Variants in ESD observed in about 807,000 individuals in gnomAD.
The protein encoded by ESD is esterase D, also known as S-formylglutathione hydrolase.
Under a neutral mutation model 38.1 loss-of-function variants are expected in ESD, and 34 were observed. The ratio of observed to expected loss-of-function variants is 0.89; its 90% CI spans 0.68 to 1.19. ESD has a LOEUF of 1.19. Ranked by LOEUF, ESD falls within the 50% of genes most tolerant of loss-of-function variation. The pLI, the probability that ESD is intolerant of heterozygous loss-of-function variation, is 0.00. For synonymous variants in ESD, 97 were observed against 107.0 expected, an observed-to-expected ratio of 0.91 and a Z score of 0.58; for missense variants, 334 against 327.2, an observed-to-expected ratio of 1.02 and a Z score of -0.16.
chr13:46,775,696 G>C (rs559658198), intron 9 of ESD: 25 of 468,888 alleles, frequency 5.3e-5, no homozygotes, highest in African/African-American at 3.6e-4. Context: ...GACCATGCTG[G>C]AAGTAAAGTG....
intron 7 of ESD, among the ~76,000 whole-genome samples, chr13:46,780,968 T>C (rs1874976748): frequency 1.3e-5 from 2 of 151,754 alleles, no homozygotes; most frequent in South Asian, 4.1e-4. Context: ...TATGACATAC[T>C]ACATATGGTA....
At chr13:46,776,615 T>C (rs1176959776) in intron 9 of ESD, 1 of 152,112 alleles carries the variant, frequency 6.6e-6, no homozygotes, top group Admixed American at 6.6e-5. Context: ...GTATAAGAAT[T>C]AACAATGAGT....
Position 46,784,336 on chromosome 13 carries a change from C to T in ESD, c.172G>A (p.Glu58Lys). The T allele has an allele frequency of 6.2e-7, 1 of 1,610,012 alleles. No homozygotes were observed. Among genetic ancestry groups the T allele is most frequent in the Middle Eastern group, 1.7e-4 (1 of 6,052 alleles). Reference sequence around the variant, plus strand: ...CCAGATTTTGATATAAAATTTTGCTCTGTGCAAGTTAAACCTGAAGATAAA... The same window carrying T: ...CCAGATTTTGATATAAAATTTTGCTTTGTGCAAGTTAAACCTGAAGATAAA... ...LYWLSGLTCTEQNFISKSGYH... is the reference protein window; with the variant it reads ...LYWLSGLTCTKQNFISKSGYH... The change falls in exon 5 of 10, where the codon GAG becomes AAG. Residue 58 changes from glutamate to lysine, a missense_variant. Coordinates refer to ENST00000378720, the MANE Select transcript of ESD (RefSeq NM_001984.2).
intron 1 of ESD, among the ~76,000 whole-genome samples, 191 bp downstream of exon 1, chr13:46,796,914 C>T (rs1456851011): frequency 6.6e-6 from 1 of 152,252 alleles, no homozygotes; most frequent in Non-Finnish European, 1.5e-5. Context: ...GGCGAGGCTC[C>T]GGGTCACGGG....
chr13:46,791,200 T>C, intron 3 of ESD, 146 bp downstream of exon 3: 1 of 583,368 alleles, frequency 1.7e-6, no homozygotes. Flanking sequence ...CTGGTAGAAT[T>C]GTCAAATACA....
intron 9 of ESD, among the ~76,000 whole-genome samples, chr13:46,773,267 T>C (rs1414792201): frequency 6.6e-6 from 1 of 152,186 alleles, no homozygotes; most frequent in Non-Finnish European, 1.5e-5. Flanking sequence ...CACCTAGTAA[T>C]AGGATTGCTG....
chr13:46,786,688 G>A (rs1489723864), intron 4 of ESD, among the ~76,000 whole-genome samples: 1 of 151,842 alleles, frequency 6.6e-6, no homozygotes, highest in Non-Finnish European at 1.5e-5. Flanking sequence ...ACCTAATATT[G>A]TTCTAATGGA....
intron 4 of ESD, among the ~76,000 whole-genome samples, 192 bp from the exon 5 acceptor site, chr13:46,784,542 A>T (rs1178611953): frequency 6.6e-6 from 1 of 151,998 alleles, no homozygotes; most frequent in African/African-American, 2.4e-5. Flanking sequence ...ATACGCTCAT[A>T]TAACAAACCT....
intron 9 of ESD, among the ~76,000 whole-genome samples, 185 bp from the exon 10 acceptor site, chr13:46,771,681 T>A (rs1373947728): frequency 2.0e-5 from 3 of 152,136 alleles, no homozygotes; most frequent in African/African-American, 7.2e-5. Context: ...TCACTGTACA[T>A]TAAAAGAGCA....
At chr13:46,782,179 A>G (rs550140425) in intron 6 of ESD, among the ~76,000 whole-genome samples, 5 of 151,334 alleles carry the variant, frequency 3.3e-5, no homozygotes, top group African/African-American at 9.8e-5. Context: ...ATACCAAAAC[A>G]TAAGTGTTTT....
In ESD at chr13:46,781,525, A is replaced by T; in HGVS notation, c.472T>A (p.Cys158Ser). Residue 158 changes from cysteine (C) to serine (S), a missense_variant, in exon 7 of 10, where the codon TGT (cysteine) becomes AGT (serine). Transcript: ENST00000378720. The part of the protein sequence containing the change: ...HSMGGHGALI[C>S]ALKNPGKYKS... Reference sequence around the variant, plus strand: ...TATTTTCCAGGATTTTTCAAAGCACAGATCAGAGCTCCATGACCTCCCATG... The same window carrying T: ...TATTTTCCAGGATTTTTCAAAGCACTGATCAGAGCTCCATGACCTCCCATG... 1.2e-6 allele frequency: 2 copies of T among 1,605,522 alleles called. No individual in the cohort carries two copies. Among genetic ancestry groups the T allele is most frequent in the Non-Finnish European group, 1.7e-6 (2 of 1,175,298 alleles).
chr13:46,774,152 G>A (rs1874706233), intron 9 of ESD, among the ~76,000 whole-genome samples: 1 of 152,050 alleles, frequency 6.6e-6, no homozygotes, highest in South Asian at 2.1e-4. Context: ...CATATGAATA[G>A]CCATCATTAT....
intron 6 of ESD, among the ~76,000 whole-genome samples, chr13:46,782,170 T>C (rs1875026156): frequency 2.0e-5 from 3 of 151,888 alleles, no homozygotes; most frequent in Middle Eastern, 3.4e-3. Context: ...GTCTGGAACA[T>C]ACCAAAACAT....
intron 7 of ESD, among the ~76,000 whole-genome samples, chr13:46,780,468 C>A (rs540467513): frequency 6.3e-4 from 95 of 151,788 alleles, no homozygotes; most frequent in Admixed American, 1.8e-3. Context: ...TTCAATATGA[C>A]AGAATTTTTA....
chr13:46,786,679 C>T (rs144257887), intron 4 of ESD, among the ~76,000 whole-genome samples: 11 of 151,974 alleles, frequency 7.2e-5, no homozygotes, highest in South Asian at 2.1e-4. Flanking sequence ...CCTGATTTCA[C>T]CTAATATTGT....
At chr13:46,788,931 C>T (rs1427266855) in intron 3 of ESD, among the ~76,000 whole-genome samples, 2 of 151,920 alleles carry the variant, frequency 1.3e-5, no homozygotes, top group Non-Finnish European at 1.5e-5. Context: ...CCAGTACTGC[C>T]GAACAGAACT....
At chr13:46,785,793 AATTTT>A (rs1419951781) in intron 4 of ESD, 1 of 152,002 alleles carries the variant, frequency 6.6e-6, no homozygotes, top group Non-Finnish European at 1.5e-5. Flanking sequence ...TGCTAGATTC[AATTTT>A]AGTTAAAACT....
In ESD at chr13:46,775,536, G is replaced by A. The variant is rs575633511; in HGVS notation, c.768+1920C>T. 350 of 419,006 alleles carry A rather than the reference G, an allele frequency of 8.4e-4. 1 individual carries two copies. Among genetic ancestry groups the A allele is most frequent in the Admixed American group, 3.3e-3 (106 of 32,608 alleles). The allele number at this position is 419,006 out of a possible 1,614,324, so 26.0% of individuals were successfully genotyped here. A position where few individuals can be genotyped will look rare whatever the true frequency, so the allele number is the denominator to read the frequency against. On this transcript the variant is annotated intron_variant, in intron 9 of 9. Transcript: ENST00000378720. ...GATAAAGCAGGTGATAAAACTCGCAGACCCAGGGTAATCTTGGGTCAAAGC... is the reference window on the plus strand; with the variant it reads ...GATAAAGCAGGTGATAAAACTCGCAAACCCAGGGTAATCTTGGGTCAAAGC...
upstream of ESD, among the ~76,000 whole-genome samples, chr13:46,797,560 C>T (rs1875637582): frequency 6.6e-6 from 1 of 152,226 alleles, no homozygotes; most frequent in Admixed American, 6.5e-5. Flanking sequence ...CTAATTTCAA[C>T]TCCCTCAACT....
Sources: gnomAD v4.1 joint callset for allele counts (sites outside exome capture counted in the v4.1 genomes callset) on GRCh38, gnomAD v4.1.1 for gene constraint, MANE v1.5 for transcripts, NCBI Gene and HGNC (gene_info 2026-07-23, HGNC 2026-07-21) for gene names.